Variants in MYSM1 observed in about 807,000 individuals in gnomAD.
MYSM1 encodes the protein Myb like, SWIRM and MPN domains 1.
MYSM1 carries 51 observed loss-of-function variants against 116.0 expected under a neutral mutation model. The ratio of observed to expected loss-of-function variants is 0.44; its 90% CI spans 0.35 to 0.56. The LOEUF (loss-of-function observed/expected upper bound fraction) is 0.56. MYSM1 is among the 20% of genes least tolerant of loss of function. MYSM1 has a pLI of 0.00. For synonymous variants in MYSM1, 313 were observed against 315.2 expected (o/e 0.99, Z 0.07); for missense variants, 900 against 974.9 (o/e 0.92, Z 1.02).
chr1:58,662,354 T>C (rs1644405475), intron 17 of MYSM1, among the ~76,000 whole-genome samples: 1 of 152,104 alleles, frequency 6.6e-6, no homozygotes, highest in Non-Finnish European at 1.5e-5. Flanking sequence ...GCTGATTCAC[T>C]AGCAAAGGCT....
At chr1:58,664,462 T>C (rs180879932) in intron 17 of MYSM1, among the ~76,000 whole-genome samples, 1 of 152,334 alleles carries the variant, frequency 6.6e-6, no homozygotes, top group East Asian at 1.9e-4. Context: ...TCCCTGCTCT[T>C]TGGGCATACA....
intron 1 of MYSM1, among the ~76,000 whole-genome samples, chr1:58,698,889 C>T (rs1216069587): frequency 2.6e-5 from 4 of 152,270 alleles, no homozygotes; most frequent in Admixed American, 1.3e-4. Context: ...CACTTCTAAA[C>T]ACACTATCTT....
intron 8 of MYSM1, among the ~76,000 whole-genome samples, chr1:58,677,578 AAC>A (rs1391754283): frequency 6.6e-6 from 1 of 152,148 alleles, no homozygotes; most frequent in East Asian, 1.9e-4. Context: ...GGAAAACAGA[AAC>A]AGACGTTATA....
chr1:58,682,188 C>T lies in MYSM1; in HGVS notation c.856G>A (p.Asp286Asn). 2 of 1,612,890 alleles carry T rather than the reference C, an allele frequency of 1.2e-6. No homozygotes were observed. The highest frequency in any genetic ancestry group is 8.5e-7 in the Non-Finnish European group (1 of 1,179,006). Residue 286 changes from aspartate to asparagine, a missense_variant, in exon 8 of 20, where the codon GAT becomes AAT. Asp to Asn is a conservative substitution (Grantham distance 23). Transcript: ENST00000472487. ...ATTTCTGAGCTTGAAAGTGTTTCATCTTGCTTTTCATTTTGAAGACAGCCC... is the reference window on the plus strand; with the variant it reads ...ATTTCTGAGCTTGAAAGTGTTTCATTTTGCTTTTCATTTTGAAGACAGCCC... ...SRGCLQNEKQ[D>N]ETLSSSEITL...
At chr1:58,671,996 C>T (rs1317229186) in intron 11 of MYSM1, 38 bp from the exon 12 acceptor site, 1 of 1,505,838 alleles carries the variant, frequency 6.6e-7, no homozygotes, top group Admixed American at 1.7e-5. Context: ...AGTCCATCAT[C>T]TACTAAGAGG....
Position 58,667,018 on chromosome 1 carries a change from T to C in MYSM1, c.2031+20A>G. On this transcript the variant is annotated intron_variant, in intron 16 of 19. Transcript: ENST00000472487. ...AGGGGGTGTGCAACCATTTACAGAA[T>C]ATAAATATACATGTAATACCTGGTA... 1.3e-6 allele frequency: 2 copies of C among 1,523,842 alleles called. No homozygotes were observed. The highest frequency in any genetic ancestry group is 1.8e-6 in the Non-Finnish European group (2 of 1,110,876). 94.4% of individuals were successfully genotyped at this position (1,523,842 alleles called of 1,614,324 possible). A position where few individuals can be genotyped will look rare whatever the true frequency, so the allele number is the denominator to read the frequency against.
At chr1:58,681,199 G>A (rs1644736561) in intron 8 of MYSM1, among the ~76,000 whole-genome samples, 1 of 152,140 alleles carries the variant, frequency 6.6e-6, no homozygotes, top group African/African-American at 2.4e-5. Context: ...CTAGTAAGGT[G>A]GGAAATTTTG....
chr1:58,676,210 A>G (rs1170645821), intron 9 of MYSM1, among the ~76,000 whole-genome samples: 1 of 151,944 alleles, frequency 6.6e-6, no homozygotes, highest in Non-Finnish European at 1.5e-5. Context: ...CGAGGTCAGG[A>G]GTTCGAGACC....
intron 12 of MYSM1, among the ~76,000 whole-genome samples, chr1:58,669,875 A>AAAG (rs1311208947): frequency 1.3e-5 from 2 of 151,142 alleles, no homozygotes; most frequent in Non-Finnish European, 3.0e-5. Context: ...AAAAAGTGAA[A>AAAG]AAGTAAAAAG....
At chr1:58,685,543 A>C (rs1440260786) in intron 6 of MYSM1, among the ~76,000 whole-genome samples, 2 of 152,234 alleles carry the variant, frequency 1.3e-5, no homozygotes, top group South Asian at 2.1e-4. Flanking sequence ...ATTGTAAGTT[A>C]TAATGTTCCA....
At chr1:58,666,985 G>A in intron 16 of MYSM1, 53 bp downstream of exon 16, 3 of 948,746 alleles carry the variant, frequency 3.2e-6, no homozygotes, top group African/African-American at 3.3e-5. Context: ...ATTTAAAAGG[G>A]AGCATTGAGG....
In MYSM1 at chr1:58,668,895, C is replaced by T. The variant is rs997081197; in HGVS notation, c.1716+89G>A. Reference sequence around the variant, plus strand: ...CATTTTCAGTCTTTTTATACATATGCCTTGCACATACGGAAAAAGAGTAAG... The same window carrying T: ...CATTTTCAGTCTTTTTATACATATGTCTTGCACATACGGAAAAAGAGTAAG... On this transcript the variant is annotated intron_variant, in intron 13 of 19. Coordinates refer to ENST00000472487, the MANE Select transcript of MYSM1 (RefSeq NM_001085487.3). The T allele has an allele frequency of 3.9e-5, 41 of 1,055,062 alleles. No homozygotes were observed. In the South Asian group the frequency reaches 5.6e-4, roughly 14 times the overall value. 65.4% of individuals were successfully genotyped at this position (1,055,062 alleles called of 1,614,324 possible).
Position 58,682,012 on chromosome 1 carries a change from A to G in MYSM1, c.1032T>C (p.Cys344=). 1 of 1,614,166 alleles carries G rather than the reference A, an allele frequency of 6.2e-7. No homozygotes were observed. Among genetic ancestry groups the G allele is most frequent in the South Asian group, 1.1e-5 (1 of 91,086 alleles). The change falls in exon 8 of 20, where the codon TGT becomes TGC. Residue 344 remains cysteine (C), a synonymous_variant. Transcript: ENST00000472487. ...DARQLPSPEP[C]EIQKNLNDNE... ...TATCATTCAAATTTTTCTGAATTTC[A>G]CAAGGCTCTGGAGAAGGCAACTGCC...
intron 3 of MYSM1, among the ~76,000 whole-genome samples, chr1:58,691,238 C>CCACT (rs1644902066): frequency 1.3e-5 from 2 of 151,912 alleles, no homozygotes; most frequent in Non-Finnish European, 1.5e-5. Flanking sequence ...CAAGTTTGAG[C>CCACT]CACTGCACTC....
intron 10 of MYSM1, among the ~76,000 whole-genome samples, chr1:58,675,028 T>G (rs1644628783): frequency 6.6e-6 from 1 of 151,786 alleles, no homozygotes; most frequent in East Asian, 1.9e-4. Context: ...CACTTTATTT[T>G]TAAAGTATGA....
At position 58,661,435 on chromosome 1, in the gene MYSM1, C is replaced by A; in HGVS notation, c.2241G>T (p.Trp747Cys). 6.2e-7 allele frequency: 1 copy of A among 1,600,970 alleles called. No homozygotes were observed. The highest frequency in any genetic ancestry group is 1.1e-5 in the South Asian group (1 of 90,752). ...GGGAGAGCCTGTATTTTTCTATTATCCATCTTGTCTTTTCAAATACTAATC... is the reference window on the plus strand; with the variant it reads ...GGGAGAGCCTGTATTTTTCTATTATACATCTTGTCTTTTCAAATACTAATC... ...QWGLVFEKTR[W>C]IIEKYRLSHS... The change falls in exon 18 of 20, where the codon TGG becomes TGT. Residue 747 changes from tryptophan (W) to cysteine (C), a missense_variant. By Grantham distance (215) the Trp-to-Cys change is radical. Transcript: ENST00000472487.
At chr1:58,697,399 G>C (rs1644991206) in intron 1 of MYSM1, among the ~76,000 whole-genome samples, 1 of 152,068 alleles carries the variant, frequency 6.6e-6, no homozygotes, top group African/African-American at 2.4e-5. Flanking sequence ...CAGCTGGCAG[G>C]TCAAAAATGG....
chr1:58,676,718 G>T, intron 9 of MYSM1: 1 of 341,458 alleles, frequency 2.9e-6, no homozygotes, highest in Non-Finnish European at 5.2e-6. Flanking sequence ...TACCTTTAAA[G>T]TTACACTCTC....
At chr1:58,699,839 G>C in intron 1 of MYSM1, 146 bp downstream of exon 1, 1 of 1,418,276 alleles carries the variant, frequency 7.1e-7, no homozygotes, top group Non-Finnish European at 9.2e-7. Flanking sequence ...CGGCGGGCGA[G>C]GTGCCTCCCA....
Sources: allele counts gnomAD v4.1 joint callset (sites outside exome capture counted in the v4.1 genomes callset), GRCh38; gene constraint gnomAD v4.1.1; transcripts MANE v1.5; gene names NCBI Gene and HGNC (gene_info 2026-07-23, HGNC 2026-07-21).